Variants in ZNF618 observed in about 807,000 individuals in gnomAD.
ZNF618 encodes the protein neural precursor cell expressed, developmentally down-regulated 10.
In ZNF618, 34 loss-of-function variants were observed where a neutral mutation model predicts 103.0. The observed-to-expected ratio is 0.33, with a 90% CI of 0.25 to 0.44. The LOEUF (loss-of-function observed/expected upper bound fraction) is 0.44, where lower values mean the gene tolerates loss of function less well. ZNF618 is among the 20% of genes least tolerant of loss of function. The probability of loss-of-function intolerance (pLI) is 1.00; values close to 1 mark genes in which losing one functional copy is unlikely to be tolerated. For synonymous variants in ZNF618, 551 were observed against 542.2 expected (o/e 1.02, Z -0.23); for missense variants, 1,059 against 1,295.4 (o/e 0.82, Z 2.80).
At chr9:113,949,890 G>A (rs1419107120) in intron 1 of ZNF618, among the ~76,000 whole-genome samples, 3 of 152,110 alleles carry the variant, frequency 2.0e-5, no homozygotes, top group Admixed American at 1.3e-4. Context: ...CCAGCCAGGC[G>A]AGGGAGTTGG....
At chr9:114,004,652 T>A (rs1465256281) in intron 6 of ZNF618, among the ~76,000 whole-genome samples, 1 of 152,164 alleles carries the variant, frequency 6.6e-6, no homozygotes, top group South Asian at 2.1e-4. Flanking sequence ...CGCTATTTTA[T>A]TCTCAGTCCT....
In ZNF618 at chr9:114,025,550, G is replaced by T. The variant is rs111530977; in HGVS notation, c.845-3183G>T. The stretch of plus-strand genomic sequence containing the variant: ...CTGAGACTCTTTCATGCTTTCTCAG[G>T]AAGAGCTCAGGTAGGAATTCCAGCA... On this transcript the variant is annotated intron_variant, in intron 10 of 14. Coordinates refer to ENST00000374126, the MANE Select transcript of ZNF618 (RefSeq NM_001318042.2). Among the ~76,000 whole-genome samples, 1,480 of 152,310 alleles carry T rather than the reference G, an allele frequency of 9.7e-3. 10 individuals are homozygous for T. The highest frequency in any genetic ancestry group is 0.017 in the Non-Finnish European group (1,131 of 68,018).
Position 114,030,096 on chromosome 9 carries a change from G to A in ZNF618, c.1084+1124G>A, listed in dbSNP as rs115388205. ...TGATCAAGGTGAGAACTCAGGTAAA[G>A]GATCCACTTGGTTCATTCGGTGACT... On this transcript the variant is annotated intron_variant, in intron 11 of 14. Coordinates refer to ENST00000374126, the MANE Select transcript of ZNF618 (RefSeq NM_001318042.2). Among the ~76,000 whole-genome samples, 427 of 152,314 alleles carry A rather than the reference G, an allele frequency of 2.8e-3. 1 individual carries two copies. The highest frequency in any genetic ancestry group is 9.8e-3 in the African/African-American group (407 of 41,572).
At chr9:113,960,061 G>T (rs925002049) in intron 1 of ZNF618, among the ~76,000 whole-genome samples, 8 of 152,356 alleles carry the variant, frequency 5.3e-5, no homozygotes, top group African/African-American at 1.9e-4. Context: ...AACAGCTGCT[G>T]CAGTTTATTT....
At chr9:113,994,434 G>C (rs1479802837) in intron 3 of ZNF618, among the ~76,000 whole-genome samples, 1 of 152,228 alleles carries the variant, frequency 6.6e-6, no homozygotes, top group Non-Finnish European at 1.5e-5. Context: ...CCTCCCAGGC[G>C]CGTCCTGTCT....
At chr9:113,951,538 C>T (rs373350133) in intron 1 of ZNF618, among the ~76,000 whole-genome samples, 1,646 of 54,202 alleles carry the variant, frequency 0.03, 161 homozygotes, top group African/African-American at 0.045. Flanking sequence ...TATGTGTGTA[C>T]ATATGTACAC....
intron 1 of ZNF618, among the ~76,000 whole-genome samples, chr9:113,930,713 C>G (rs1285181467): frequency 6.6e-6 from 1 of 152,164 alleles, no homozygotes; most frequent in Non-Finnish European, 1.5e-5. Flanking sequence ...TGATTCCTTG[C>G]CTTCCTCGCT....
chr9:113,921,831 G>T (rs1201584509), intron 1 of ZNF618, among the ~76,000 whole-genome samples: 1 of 152,110 alleles, frequency 6.6e-6, no homozygotes, highest in Admixed American at 6.5e-5. Flanking sequence ...TCTATAAAGT[G>T]AATCATCACT....
intron 3 of ZNF618, 123 bp downstream of exon 3, chr9:113,988,703 C>T: frequency 5.8e-6 from 8 of 1,371,440 alleles, no homozygotes; most frequent in Non-Finnish European, 7.7e-6. Context: ...TGCTGGCTTC[C>T]CTCTGCATTC....
chr9:113,922,905 T>A (rs147312574), intron 1 of ZNF618, among the ~76,000 whole-genome samples: 5,022 of 152,344 alleles, frequency 0.033, 116 homozygotes, highest in Non-Finnish European at 0.046. Context: ...AAATGAAATC[T>A]TAACAATACG....
intron 1 of ZNF618, among the ~76,000 whole-genome samples, chr9:113,951,471 G>GAGTGCACATA (rs1264814328): frequency 2.6e-4 from 7 of 27,152 alleles, no homozygotes; most frequent in South Asian, 2.6e-3. Context: ...ATATATGTGT[G>GAGTGCACATA]TATGTGTACA....
intron 13 of ZNF618, among the ~76,000 whole-genome samples, chr9:114,043,711 A>C (rs1415004262): frequency 6.6e-6 from 1 of 152,108 alleles, no homozygotes; most frequent in African/African-American, 2.4e-5. Context: ...GCCAACATCT[A>C]TTATTTTTTG....
chr9:113,981,743 A>G (rs1034439868), intron 2 of ZNF618, among the ~76,000 whole-genome samples: 2 of 152,248 alleles, frequency 1.3e-5, no homozygotes, highest in Non-Finnish European at 2.9e-5. Flanking sequence ...CAACAGTACC[A>G]GAACAGGAGC....
chr9:113,942,638 T>C (rs1475486545), intron 1 of ZNF618, among the ~76,000 whole-genome samples: 1 of 152,244 alleles, frequency 6.6e-6, no homozygotes, highest in Non-Finnish European at 1.5e-5. Flanking sequence ...GAATCAGTGC[T>C]TCATTTTTCC....
At chr9:114,001,738 C>G (rs1347635646) in intron 4 of ZNF618, among the ~76,000 whole-genome samples, 1 of 152,196 alleles carries the variant, frequency 6.6e-6, no homozygotes, top group Non-Finnish European at 1.5e-5. Context: ...GAAGAAGTTA[C>G]CTTCTCCATC....
intron 2 of ZNF618, among the ~76,000 whole-genome samples, chr9:113,972,384 C>T (rs1564238827): frequency 6.6e-6 from 1 of 152,146 alleles, no homozygotes; most frequent in Non-Finnish European, 1.5e-5. Flanking sequence ...TTTTAACAAC[C>T]TCATGAGAGA....
intron 1 of ZNF618, among the ~76,000 whole-genome samples, chr9:113,888,402 C>T (rs536628640): frequency 2.0e-5 from 3 of 152,350 alleles, no homozygotes; most frequent in South Asian, 2.1e-4. Context: ...AGCAGACCAG[C>T]GGGTTTTGTG....
intron 9 of ZNF618, among the ~76,000 whole-genome samples, chr9:114,010,754 A>T (rs1226325428): frequency 2.0e-5 from 3 of 152,224 alleles, no homozygotes; most frequent in African/African-American, 7.2e-5. Context: ...AGACATTCAT[A>T]GGCAGATATA....
intron 1 of ZNF618, among the ~76,000 whole-genome samples, chr9:113,962,231 T>C (rs1222463801): frequency 2.0e-5 from 3 of 152,210 alleles, no homozygotes; most frequent in African/African-American, 7.2e-5. Context: ...GGAATCTTCC[T>C]TGACTCTTTC....
Sources: allele counts gnomAD v4.1 joint callset (sites outside exome capture counted in the v4.1 genomes callset), GRCh38; gene constraint gnomAD v4.1.1; transcripts MANE v1.5; gene names NCBI Gene and HGNC (gene_info 2026-07-23, HGNC 2026-07-21).